CLVS1: variants seen among roughly 807,000 people sequenced by gnomAD.
CLVS1 encodes clavesin 1.
Under a neutral mutation model 33.1 loss-of-function variants are expected in CLVS1, and 10 were observed. The ratio of observed to expected loss-of-function variants is 0.30; its 90% CI spans 0.19 to 0.51. CLVS1 has a LOEUF of 0.51. CLVS1 is among the 20% of genes least tolerant of loss of function. The pLI is 0.97. For missense variants in CLVS1, 343 were observed against 433.4 expected, an observed-to-expected ratio of 0.79 and a Z score of 1.85; for synonymous variants, 163 against 166.1, an observed-to-expected ratio of 0.98 and a Z score of 0.14.
At chr8:61,421,629 C>A (rs1341995418) in intron 3 of CLVS1, among the ~76,000 whole-genome samples, 1 of 152,238 alleles carries the variant, frequency 6.6e-6, no homozygotes, top group African/African-American at 2.4e-5. Flanking sequence ...GCACAGCAGG[C>A]AGGCTCAACT....
intron 2 of CLVS1, among the ~76,000 whole-genome samples, chr8:61,193,598 A>T (rs1317158682): frequency 2.6e-5 from 4 of 152,114 alleles, no homozygotes; most frequent in Admixed American, 1.3e-4. Context: ...AGACGAGGAA[A>T]TGTTTTCAGT....
At chr8:61,136,871 G>T (rs552290938) in intron 2 of CLVS1, among the ~76,000 whole-genome samples, 2 of 152,310 alleles carry the variant, frequency 1.3e-5, no homozygotes, top group African/African-American at 4.8e-5. Context: ...GCAGTGATTT[G>T]TGAGTTCTGG....
At chr8:61,167,196 T>C (rs1806887008) in intron 2 of CLVS1, among the ~76,000 whole-genome samples, 1 of 134,906 alleles carries the variant, frequency 7.4e-6, no homozygotes, top group African/African-American at 3.0e-5. Flanking sequence ...TCCTTTAATT[T>C]TTTTTTTTTT....
At chr8:61,160,621 A>ATT (rs5891793) in intron 2 of CLVS1, among the ~76,000 whole-genome samples, 4 of 151,328 alleles carry the variant, frequency 2.6e-5, no homozygotes, top group Admixed American at 6.6e-5. Flanking sequence ...TTGTTAAGAG[A>ATT]TTTTTTTTTT....
At position 61,299,967 on chromosome 8, in the gene CLVS1, A is replaced by T. The variant is rs928298993; in HGVS notation, c.140A>T (p.Asp47Val). 1.2e-6 allele frequency: 2 copies of T among 1,614,000 alleles called. No homozygotes were observed. The highest frequency in any genetic ancestry group is 3.3e-5 in the Admixed American group (2 of 59,960). Reference sequence around the variant, plus strand: ...CGCCTGGAACTGAATGAAAACCCCGATGTTTTACATCAGGATATTCAGCAA... The same window carrying T: ...CGCCTGGAACTGAATGAAAACCCCGTTGTTTTACATCAGGATATTCAGCAA... ...KARLELNENP[D>V]VLHQDIQQVR... The change falls in exon 2 of 6, where the codon GAT (aspartate) becomes GTT (valine). Residue 47 changes from aspartate (D) to valine (V), a missense_variant. Transcript: ENST00000325897.
intron 1 of CLVS1, among the ~76,000 whole-genome samples, chr8:61,111,660 T>A (rs550614606): frequency 3.5e-4 from 53 of 152,318 alleles, no homozygotes; most frequent in African/African-American, 1.2e-3. Context: ...TTCTGTTCTG[T>A]AAATCTTTCT....
chr8:61,047,708 C>T, the CLVS1 span, among the ~76,000 whole-genome samples: 131 of 152,186 alleles, frequency 8.6e-4, 1 homozygote, highest in African/African-American at 2.8e-3. Context: ...AACCAAACAC[C>T]GCATGTTCTC....
At chr8:61,235,474 T>A (rs938472654) in intron 2 of CLVS1, among the ~76,000 whole-genome samples, 1 of 152,182 alleles carries the variant, frequency 6.6e-6, no homozygotes, top group African/African-American at 2.4e-5. Flanking sequence ...ACTTGAGAGG[T>A]CACATTTTGT....
intron 2 of CLVS1, among the ~76,000 whole-genome samples, chr8:61,346,654 T>TC (rs1812230026): frequency 6.6e-6 from 1 of 152,110 alleles, no homozygotes; most frequent in South Asian, 2.1e-4. Context: ...TTGACTTTTT[T>TC]CCCCCAGATA....
At chr8:61,457,910 G>A (rs1817224642) in intron 4 of CLVS1, among the ~76,000 whole-genome samples, 1 of 152,190 alleles carries the variant, frequency 6.6e-6, no homozygotes, top group African/African-American at 2.4e-5. Flanking sequence ...GGGAAGGGGG[G>A]AAGGATCTGG....
intron 2 of CLVS1, among the ~76,000 whole-genome samples, chr8:61,159,732 C>T (rs930367020): frequency 3.9e-5 from 6 of 152,164 alleles, no homozygotes; most frequent in Non-Finnish European, 5.9e-5. Flanking sequence ...ACCTTCATAC[C>T]TTTAATTTAT....
intron 2 of CLVS1, among the ~76,000 whole-genome samples, chr8:61,233,629 C>T (rs966990068): frequency 1.3e-5 from 2 of 152,220 alleles, no homozygotes; most frequent in African/African-American, 2.4e-5. Context: ...CAGACTCCTT[C>T]CCATTCTGCC....
Position 61,357,489 on chromosome 8 carries a change from C to CTT in CLVS1, c.456-19113_456-19112dup, listed in dbSNP as rs1462908906. 6.6e-4 allele frequency among the ~76,000 whole-genome samples: 20 copies of CTT among 30,228 alleles called. 1 individual carries two copies. The highest frequency in any genetic ancestry group is 4.1e-3 in the South Asian group (3 of 730). 19.8% of individuals were successfully genotyped at this position (30,228 alleles called of 152,430 possible). A position where few individuals can be genotyped will look rare whatever the true frequency, so the allele number is the denominator to read the frequency against. ...TTTTCCTTCTTTTTCTTTCCTTTTT[C>CTT]TTTTCTTTTTTTTTTTTTTTTTTTT... On this transcript the variant is annotated intron_variant, in intron 2 of 5. Transcript: ENST00000325897.
the CLVS1 span, among the ~76,000 whole-genome samples, chr8:61,003,110 T>G: frequency 2.0e-5 from 3 of 152,286 alleles, no homozygotes; most frequent in East Asian, 5.8e-4. Flanking sequence ...TCTGTTACAC[T>G]TGAGTAACTT....
the CLVS1 span, among the ~76,000 whole-genome samples, chr8:61,006,475 C>T: frequency 1.3e-5 from 2 of 152,206 alleles, no homozygotes; most frequent in Admixed American, 1.3e-4. Flanking sequence ...GGCCACTCAC[C>T]TGCCTTTACC....
At chr8:61,222,097 G>C (rs963582734) in intron 2 of CLVS1, among the ~76,000 whole-genome samples, 1 of 151,938 alleles carries the variant, frequency 6.6e-6, no homozygotes. Context: ...CCTAGCTAAT[G>C]ATCTATCTAT....
chr8:61,428,898 G>T (rs924451523), intron 3 of CLVS1, among the ~76,000 whole-genome samples: 1 of 152,044 alleles, frequency 6.6e-6, no homozygotes, highest in Non-Finnish European at 1.5e-5. Context: ...GTTATTCAAG[G>T]GTCACTCACA....
intron 1 of CLVS1, among the ~76,000 whole-genome samples, chr8:61,079,639 C>G (rs1804985997): frequency 6.6e-6 from 1 of 152,104 alleles, no homozygotes; most frequent in African/African-American, 2.4e-5. Flanking sequence ...AACAGAGGGA[C>G]CAGACTGTGA....
chr8:61,358,903 C>A (rs189509669), intron 2 of CLVS1, among the ~76,000 whole-genome samples: 40 of 152,110 alleles, frequency 2.6e-4, no homozygotes, highest in African/African-American at 9.2e-4. Context: ...TTCTGTTTTT[C>A]TTTTAAGTTA....
Sources: allele counts gnomAD v4.1 joint callset (sites outside exome capture counted in the v4.1 genomes callset), GRCh38; gene constraint gnomAD v4.1.1; transcripts MANE v1.5; gene names NCBI Gene and HGNC (gene_info 2026-07-23, HGNC 2026-07-21).